LAPTM5: variants seen among roughly 807,000 people sequenced by gnomAD.
The protein encoded by LAPTM5 is lysosomal protein transmembrane 5, also known as lysosomal-associated transmembrane protein 5.
A neutral mutation model predicts 30.1 loss-of-function variants in LAPTM5; 11 were observed. The ratio of observed to expected loss-of-function variants is 0.37; its 90% confidence interval spans 0.23 to 0.60. LAPTM5 has a LOEUF of 0.60. LAPTM5 is among the 20% of genes least tolerant of loss of function. The pLI is 0.71. For missense variants in LAPTM5, 324 were observed against 332.5 expected, an observed-to-expected ratio of 0.97 and a Z score of 0.20; for synonymous variants, 151 against 137.9, an observed-to-expected ratio of 1.10 and a Z score of -0.67.
chr1:30,754,180 T>G (rs12137058), intron 1 of LAPTM5, among the ~76,000 whole-genome samples: 25,905 of 151,972 alleles, frequency 0.17, 2,824 homozygotes, highest in Admixed American at 0.3. Context: ...CTTTCTACCA[T>G]CGACTTAGAA....
intron 1 of LAPTM5, among the ~76,000 whole-genome samples, chr1:30,754,655 T>C (rs571068840): frequency 6.6e-6 from 1 of 152,290 alleles, no homozygotes; most frequent in African/African-American, 2.4e-5. Flanking sequence ...TCCCAAAGTG[T>C]GCAAGTTTGG....
intron 1 of LAPTM5, among the ~76,000 whole-genome samples, chr1:30,752,661 G>C (rs1015932091): frequency 1.2e-4 from 19 of 152,314 alleles, no homozygotes; most frequent in Non-Finnish European, 2.4e-4. Flanking sequence ...CATTGTCCTC[G>C]TCGGTTTTTC....
chr1:30,734,680 C>A (rs2124174205), intron 7 of LAPTM5, among the ~76,000 whole-genome samples: 1 of 152,244 alleles, frequency 6.6e-6, no homozygotes, highest in East Asian at 1.9e-4. Context: ...CCGTCACTTT[C>A]CAATAAGCTG....
At chr1:30,754,285 G>A (rs557768518) in intron 1 of LAPTM5, among the ~76,000 whole-genome samples, 22 of 152,178 alleles carry the variant, frequency 1.4e-4, no homozygotes, top group Admixed American at 3.3e-4. Flanking sequence ...TAATCCCAGC[G>A]CGTTGGGAGG....
intron 3 of LAPTM5, among the ~76,000 whole-genome samples, chr1:30,740,399 T>TCCC (rs148522746): frequency 9.7e-6 from 1 of 103,194 alleles, no homozygotes; most frequent in Non-Finnish European, 2.0e-5. Context: ...AGAGAGCCCC[T>TCCC]CCCCCCCACC....
rs1271703989 is a variant in LAPTM5, at chr1:30,735,197, C to T, written c.675G>A (p.Lys225=). 2 of 1,613,854 alleles carry T rather than the reference C, an allele frequency of 1.2e-6. No individual in the cohort carries two copies. The highest frequency in any genetic ancestry group is 8.5e-7 in the Non-Finnish European group (1 of 1,179,856). ...LIKCMNSVEE[K]RNSKMLQKVV... ...CCTTCTGGAGCATCTTGGAGTTTCT[C>T]TTCTCCTCCACCGAGTTCATGCACT... Residue 225 remains lysine (K), a synonymous_variant, in exon 7 of 8, where the codon AAG becomes AAA. Coordinates refer to ENST00000294507, the MANE Select transcript of LAPTM5 (RefSeq NM_006762.3).
intron 3 of LAPTM5, among the ~76,000 whole-genome samples, chr1:30,740,568 C>T (rs1165932433): frequency 2.6e-5 from 4 of 152,024 alleles, no homozygotes; most frequent in Non-Finnish European, 4.4e-5. Context: ...CATTCATATG[C>T]TCTCACAGCT....
chr1:30,745,511 C>G (rs1238781461), intron 1 of LAPTM5, among the ~76,000 whole-genome samples: 1 of 152,132 alleles, frequency 6.6e-6, no homozygotes, highest in Non-Finnish European at 1.5e-5. Flanking sequence ...ATTTAAAACC[C>G]AGGCTCACCC....
chr1:30,750,592 A>AT (rs1640120911), intron 1 of LAPTM5, among the ~76,000 whole-genome samples: 1 of 152,130 alleles, frequency 6.6e-6, no homozygotes, highest in South Asian at 2.1e-4. Flanking sequence ...CTCTTTACAC[A>AT]TGGGCTCTGT....
intron 1 of LAPTM5, among the ~76,000 whole-genome samples, chr1:30,756,582 G>T (rs567581564): frequency 6.6e-6 from 1 of 152,220 alleles, no homozygotes; most frequent in Non-Finnish European, 1.5e-5. Context: ...GGATTTGCAT[G>T]CAGGAGTCTG....
At chr1:30,747,310 C>G (rs1039507732) in intron 1 of LAPTM5, among the ~76,000 whole-genome samples, 9 of 152,210 alleles carry the variant, frequency 5.9e-5, no homozygotes, top group African/African-American at 2.2e-4. Flanking sequence ...GGGAGTGTCT[C>G]TTCCCTGAGA....
intron 1 of LAPTM5, among the ~76,000 whole-genome samples, chr1:30,750,413 G>C (rs188547516): frequency 6.6e-6 from 1 of 152,110 alleles, no homozygotes; most frequent in Non-Finnish European, 1.5e-5. Flanking sequence ...TCTGTATCAC[G>C]GGCTCTGCAT....
chr1:30,750,330 A>C (rs1453571885), intron 1 of LAPTM5, among the ~76,000 whole-genome samples: 3 of 152,222 alleles, frequency 2.0e-5, no homozygotes, highest in Non-Finnish European at 4.4e-5. Flanking sequence ...AATAGTGATA[A>C]TAAGTATTGA....
Position 30,746,968 on chromosome 1 carries a change from G to A in LAPTM5, c.88-4419C>T, listed in dbSNP as rs536888248. 1.1e-4 allele frequency among the ~76,000 whole-genome samples: 17 copies of A among 152,216 alleles called. No homozygotes were observed. Among genetic ancestry groups the A allele is most frequent in the South Asian group, 4.1e-4 (2 of 4,820 alleles). ...AGTAAACACTCTCTGAGCACCTACC[G>A]CCTCCAAACTCTGTCTAGAAAAGCC... is the stretch of plus-strand genomic sequence containing the variant. On this transcript the variant is annotated intron_variant, in intron 1 of 7. Coordinates refer to ENST00000294507, the MANE Select transcript of LAPTM5 (RefSeq NM_006762.3). The surrounding 1 kb of genome is among the most constrained non-coding windows in gnomAD (Gnocchi z 4.0).
rs773485623 is a variant in LAPTM5 at position 30,741,643 on chromosome 1, G to A, written c.255C>T (p.Val85=). Reference sequence around the variant, plus strand: ...AGCGGGGCTCCTGAGCCCTCACCTTGACTACGCCGATCAGTAGGCTCAGGC... The same window carrying A: ...AGCGGGGCTCCTGAGCCCTCACCTTAACTACGCCGATCAGTAGGCTCAGGC... ...IISLSLLIGV[V]KNREKYLLPF... The change falls in exon 3 of 8, where the codon GTC becomes GTT. Residue 85 remains valine, a synonymous_variant. Transcript: ENST00000294507. 1 of 1,599,412 alleles carries A rather than the reference G, an allele frequency of 6.3e-7. No individual in the cohort carries two copies. Among genetic ancestry groups the A allele is most frequent in the South Asian group, 1.1e-5 (1 of 88,484 alleles).
chr1:30,739,959 G>A lies in LAPTM5; in HGVS notation c.259-22C>T, dbSNP rs374086132. Reference sequence around the variant, plus strand: ...GGTTCTGAAAGGTAGGCCCAGCACCGTCAAGTGTCCCCTGCATGCAGCCAA... The same window carrying A: ...GGTTCTGAAAGGTAGGCCCAGCACCATCAAGTGTCCCCTGCATGCAGCCAA... On this transcript the variant is annotated intron_variant, in intron 3 of 7. Coordinates refer to ENST00000294507, the MANE Select transcript of LAPTM5 (RefSeq NM_006762.3). This position sits in a 1 kb window ranked among gnomAD's most constrained non-coding sequence, Gnocchi z 4.2. 7.3e-5 allele frequency: 113 copies of A among 1,546,860 alleles called. No homozygotes were observed. The highest frequency in any genetic ancestry group is 3.1e-4 in the East Asian group (13 of 42,314).
At chr1:30,748,956 G>T (rs1167228940) in intron 1 of LAPTM5, among the ~76,000 whole-genome samples, 1 of 152,206 alleles carries the variant, frequency 6.6e-6, no homozygotes, top group African/African-American at 2.4e-5. Context: ...CTCCTGGAGT[G>T]GGTGTGAGAA....
intron 1 of LAPTM5, among the ~76,000 whole-genome samples, chr1:30,757,235 G>A (rs538637399): frequency 4.6e-5 from 7 of 152,278 alleles, no homozygotes; most frequent in Admixed American, 2.6e-4. Context: ...CTGTGTCTGC[G>A]GCCGACCTCA....
chr1:30,739,497 G>A lies in LAPTM5; in HGVS notation c.387+312C>T, dbSNP rs967301263. Among the ~76,000 whole-genome samples the A allele has an allele frequency of 6.6e-6, 1 of 152,124 alleles. No individual in the cohort carries two copies. The highest frequency in any genetic ancestry group is 2.4e-5 in the African/African-American group (1 of 41,414). The stretch of plus-strand genomic sequence containing the variant: ...GGGCTGGGGGCTAAAAAGCGCACAT[G>A]TCCTTTCCTCAGGTGTCAATTCACT... On this transcript the variant is annotated intron_variant, in intron 4 of 7. Transcript: ENST00000294507. This position sits in a 1 kb window ranked among gnomAD's most constrained non-coding sequence, Gnocchi z 4.2.
Sources: allele counts gnomAD v4.1 joint callset (sites outside exome capture counted in the v4.1 genomes callset), GRCh38; gene constraint gnomAD v4.1.1; non-coding constraint Gnocchi (gnomAD v3.1); transcripts MANE v1.5; gene names NCBI Gene and HGNC (gene_info 2026-07-23, HGNC 2026-07-21).